Variants in NOL4 observed in about 807,000 individuals in gnomAD.
NOL4 encodes cancer/testis antigen 125.
Under a neutral mutation model 75.9 loss-of-function variants are expected in NOL4, and 17 were observed. That is an observed-to-expected ratio of 0.22 (90% confidence interval 0.15 to 0.34). NOL4 has a LOEUF of 0.34. NOL4 is among the 10% of genes least tolerant of loss of function. NOL4 has a pLI of 1.00. For synonymous variants in NOL4, 292 were observed against 289.9 expected, an observed-to-expected ratio of 1.01 and a Z score of -0.07; for missense variants, 614 against 793.5, an observed-to-expected ratio of 0.77 and a Z score of 2.72.
intron 6 of NOL4, among the ~76,000 whole-genome samples, chr18:34,004,210 C>A (rs2073904099): frequency 6.6e-6 from 1 of 152,064 alleles, no homozygotes; most frequent in Admixed American, 6.6e-5. Flanking sequence ...ACAGACCAAA[C>A]CAGTGTCCAT....
chr18:34,115,493 C>T (rs959975588), intron 2 of NOL4, among the ~76,000 whole-genome samples: 1 of 135,576 alleles, frequency 7.4e-6, no homozygotes, highest in African/African-American at 2.7e-5. Flanking sequence ...ACCCCCCTCC[C>T]CCTTAGCACA....
In NOL4 at chr18:34,051,550, C is replaced by T. The variant is rs187135525; in HGVS notation, c.773-31949G>A. ...AGTTTTATAAGAGAATGAGTTATCA[C>T]TTATTAGAAAATTGATTTAGCATCT... On this transcript the variant is annotated intron_variant, in intron 5 of 10. Transcript: ENST00000261592. 3.4e-4 allele frequency among the ~76,000 whole-genome samples: 51 copies of T among 151,964 alleles called. No homozygotes were observed. In the East Asian group the frequency reaches 8.9e-3, roughly 26 times the overall value.
intron 5 of NOL4, among the ~76,000 whole-genome samples, chr18:34,031,521 C>A (rs942004012): frequency 7.9e-5 from 12 of 152,252 alleles, no homozygotes; most frequent in Admixed American, 7.2e-4. Flanking sequence ...ATTTGATAGA[C>A]CCTCATTAAA....
At chr18:33,979,996 TG>T (rs1458400729) in intron 6 of NOL4, among the ~76,000 whole-genome samples, 2 of 152,098 alleles carry the variant, frequency 1.3e-5, no homozygotes, top group African/African-American at 2.4e-5. Flanking sequence ...TCAAAACCAA[TG>T]TTTTTGGTGG....
At chr18:33,881,195 T>A (rs1292517978) in intron 10 of NOL4, among the ~76,000 whole-genome samples, 2 of 150,962 alleles carry the variant, frequency 1.3e-5, no homozygotes, top group East Asian at 3.9e-4. Context: ...AGAATGCTTG[T>A]GATTTTTGTA....
rs1308497617 is a variant in NOL4 at position 33,852,210 on chromosome 18, G to C, written c.*632C>G. 1 of 152,372 alleles carries C rather than the reference G, an allele frequency of 6.6e-6. No homozygotes were observed. The highest frequency in any genetic ancestry group is 2.4e-5 in the African/African-American group (1 of 41,376). 9.4% of individuals were successfully genotyped at this position (152,372 alleles called of 1,614,324 possible). On this transcript the variant is annotated 3_prime_UTR_variant, in exon 11 of 11. Transcript: ENST00000261592. ...GCATCAAGTGTTATTTTTGTAGAAA[G>C]AATTTGGAAAGAGGAGAAGGCAAAG...
At chr18:33,875,268 G>T (rs963624772) in intron 10 of NOL4, among the ~76,000 whole-genome samples, 49 of 152,016 alleles carry the variant, frequency 3.2e-4, no homozygotes, top group African/African-American at 1.2e-3. Flanking sequence ...TAAATGGTGT[G>T]ATAATAACAG....
chr18:33,971,560 A>C (rs1169924230), intron 6 of NOL4, among the ~76,000 whole-genome samples: 2 of 152,156 alleles, frequency 1.3e-5, no homozygotes, highest in Non-Finnish European at 2.9e-5. Flanking sequence ...TGTGAACTGC[A>C]TTTTACAAAG....
At chr18:33,913,856 T>C (rs983224465) in intron 9 of NOL4, among the ~76,000 whole-genome samples, 3 of 152,090 alleles carry the variant, frequency 2.0e-5, no homozygotes, top group African/African-American at 7.2e-5. Flanking sequence ...TCTCAAAACT[T>C]AAAAATGAAC....
At chr18:33,887,812 T>G (rs2064851086) in intron 9 of NOL4, among the ~76,000 whole-genome samples, 1 of 152,212 alleles carries the variant, frequency 6.6e-6, no homozygotes, top group African/African-American at 2.4e-5. Context: ...CTTAATCCAG[T>G]CTATCATTGA....
intron 2 of NOL4, among the ~76,000 whole-genome samples, chr18:34,123,215 C>T (rs937212026): frequency 6.6e-6 from 1 of 151,410 alleles, no homozygotes; most frequent in Non-Finnish European, 1.5e-5. Flanking sequence ...GCAACTACAC[C>T]TATATGAGAT....
At chr18:34,171,710 T>C (rs2033058377) in intron 1 of NOL4, among the ~76,000 whole-genome samples, 1 of 152,122 alleles carries the variant, frequency 6.6e-6, no homozygotes, top group South Asian at 2.1e-4. Flanking sequence ...CTTCTACAAA[T>C]AAAGAGATGA....
At chr18:33,894,720 A>C (rs964888454) in intron 9 of NOL4, among the ~76,000 whole-genome samples, 1 of 152,118 alleles carries the variant, frequency 6.6e-6, no homozygotes, top group Non-Finnish European at 1.5e-5. Flanking sequence ...ACACTACATG[A>C]TTTTATTAAC....
At chr18:34,065,342 G>C (rs1487200512) in intron 5 of NOL4, among the ~76,000 whole-genome samples, 1 of 151,854 alleles carries the variant, frequency 6.6e-6, no homozygotes, top group East Asian at 1.9e-4. Flanking sequence ...GAACCAGTAA[G>C]AGCTTATTAA....
chr18:34,017,026 C>T lies in NOL4; in HGVS notation c.1056+2292G>A, dbSNP rs768623047. On this transcript the variant is annotated intron_variant, in intron 6 of 10. Coordinates refer to ENST00000261592, the MANE Select transcript of NOL4 (RefSeq NM_003787.5). ...ATTCCCTAGCCTGAGACCAAGTCAT[C>T]TTCCCTATCTGCATTCCAGGCCCTT... 3.3e-5 allele frequency among the ~76,000 whole-genome samples: 5 copies of T among 152,108 alleles called. No homozygotes were observed. The South Asian group carries it at 1.0e-3, about 31-fold the overall frequency.
At chr18:34,090,490 T>C (rs2078459238) in intron 5 of NOL4, among the ~76,000 whole-genome samples, 1 of 151,956 alleles carries the variant, frequency 6.6e-6, no homozygotes, top group African/African-American at 2.4e-5. Context: ...GAAATAAATT[T>C]GGGATTCATC....
At chr18:33,988,156 A>T (rs1305766377) in intron 6 of NOL4, among the ~76,000 whole-genome samples, 2 of 152,090 alleles carry the variant, frequency 1.3e-5, no homozygotes, top group Non-Finnish European at 2.9e-5. Context: ...GTTGTTTTTG[A>T]AAAAGAAAAA....
At chr18:33,994,276 A>C (rs1184830636) in intron 6 of NOL4, among the ~76,000 whole-genome samples, 1 of 151,806 alleles carries the variant, frequency 6.6e-6, no homozygotes, top group Non-Finnish European at 1.5e-5. Flanking sequence ...AAAAACCAGA[A>C]GACCTAAAAA....
intron 5 of NOL4, among the ~76,000 whole-genome samples, chr18:34,040,365 G>GAAGCTATTTTGAGGATT (rs1009357382): frequency 6.6e-6 from 1 of 151,774 alleles, no homozygotes; most frequent in Admixed American, 6.6e-5. Context: ...ATTGCTGATA[G>GAAGCTATTTTGAGGATT]AAGCTATTTT....
Sources: allele counts gnomAD v4.1 joint callset (sites outside exome capture counted in the v4.1 genomes callset), GRCh38; gene constraint gnomAD v4.1.1; transcripts MANE v1.5; gene names NCBI Gene and HGNC (gene_info 2026-07-23, HGNC 2026-07-21).